PIEZO2: variants seen among roughly 807,000 people sequenced by gnomAD.
PIEZO2 encodes the protein piezo type mechanosensitive ion channel component 2, also known as piezo-type mechanosensitive ion channel component 2.
Under a neutral mutation model 337.3 loss-of-function variants are expected in PIEZO2, and 172 were observed. The observed-to-expected ratio is 0.51, with a 90% CI of 0.45 to 0.58. The LOEUF (loss-of-function observed/expected upper bound fraction) is 0.58, where lower values mean the gene tolerates loss of function less well. Among genes scored for constraint, PIEZO2 ranks in the 20% least tolerant of loss-of-function variants. The pLI is 0.00. For missense variants in PIEZO2, 3,028 were observed against 3,391.3 expected, an observed-to-expected ratio of 0.89 and a Z score of 2.66; for synonymous variants, 1,251 against 1,228.5, an observed-to-expected ratio of 1.02 and a Z score of -0.38.
At chr18:10,763,997 C>T (rs2865129) in intron 21 of PIEZO2, among the ~76,000 whole-genome samples, 123,240 of 152,092 alleles carry the variant, frequency 0.81, 50,127 homozygotes, top group East Asian at 0.91. Flanking sequence ...GAGACAGCAA[C>T]GCTGATAGGG....
intron 20 of PIEZO2, among the ~76,000 whole-genome samples, chr18:10,771,857 G>A (rs1234157131): frequency 6.6e-6 from 1 of 152,172 alleles, no homozygotes; most frequent in Non-Finnish European, 1.5e-5. Context: ...TACACTCCCT[G>A]CCCAGTGGTC....
chr18:10,796,150 G>A (rs2039587941), intron 12 of PIEZO2, among the ~76,000 whole-genome samples: 1 of 151,926 alleles, frequency 6.6e-6, no homozygotes. Context: ...GGATCATGAG[G>A]CCAGGAGATC....
chr18:11,005,670 C>T (rs2035694365), intron 2 of PIEZO2, among the ~76,000 whole-genome samples: 1 of 152,192 alleles, frequency 6.6e-6, no homozygotes. Context: ...CTTAGCTGGC[C>T]GGGAGGAGGG....
At chr18:10,857,270 G>A in intron 5 of PIEZO2, 59 bp from the exon 6 acceptor site, 1 of 1,406,546 alleles carries the variant, frequency 7.1e-7, no homozygotes. Context: ...CCAGCCAGCA[G>A]ATTATAGAGC....
At chr18:10,708,851 G>A (rs141868608) in intron 39 of PIEZO2, among the ~76,000 whole-genome samples, 2 of 152,286 alleles carry the variant, frequency 1.3e-5, no homozygotes, top group East Asian at 3.9e-4. Flanking sequence ...TAACCAACTT[G>A]CTTGAACAGA....
intron 24 of PIEZO2, 93 bp from the exon 25 acceptor site, chr18:10,760,002 C>T: frequency 8.8e-7 from 1 of 1,134,890 alleles, no homozygotes; most frequent in Non-Finnish European, 1.3e-6. Context: ...ATGGCGGAGA[C>T]CCATGTCCCT....
Position 10,864,159 on chromosome 18 carries a change from G to A in PIEZO2, c.493-6948C>T, listed in dbSNP as rs182864912. Among the ~76,000 whole-genome samples the A allele has an allele frequency of 9.1e-4, 138 of 152,284 alleles. 1 individual carries two copies. Among genetic ancestry groups the A allele is most frequent in the Middle Eastern group, 6.8e-3 (2 of 294 alleles). ...CAAACAAAACTCACATCTTTGATATGAAGGTGTCAAAATATTGAGCAGAGA... is the reference window on the plus strand; with the variant it reads ...CAAACAAAACTCACATCTTTGATATAAAGGTGTCAAAATATTGAGCAGAGA... On this transcript the variant is annotated intron_variant, in intron 5 of 55. Transcript: ENST00000674853.
At chr18:11,108,730 G>T (rs762348510) in intron 1 of PIEZO2, among the ~76,000 whole-genome samples, 4 of 151,878 alleles carry the variant, frequency 2.6e-5, no homozygotes, top group Non-Finnish European at 5.9e-5. Flanking sequence ...TGGTGGGTCT[G>T]GTCTGTCTCA....
chr18:10,901,982 T>C (rs1323976521), intron 4 of PIEZO2, among the ~76,000 whole-genome samples: 4 of 151,524 alleles, frequency 2.6e-5, no homozygotes, highest in African/African-American at 9.7e-5. Flanking sequence ...GGACTGGTAC[T>C]GGTCCTCGTC....
rs2037523355 is a variant in PIEZO2 at position 10,748,709 on chromosome 18, A to T, written c.4265-79T>A. On this transcript the variant is annotated intron_variant, in intron 29 of 55. Transcript: ENST00000674853. The surrounding 1 kb of genome is among the most constrained non-coding windows in gnomAD (Gnocchi z 5.1). The stretch of plus-strand genomic sequence containing the variant: ...ATTTTATAAAATCTGAGGTATGGTC[A>T]GGCTTGGGAAATATAGGCATAAAAG... 6.8e-6 allele frequency: 9 copies of T among 1,316,836 alleles called. No homozygotes were observed. Among genetic ancestry groups the T allele is most frequent in the Non-Finnish European group, 8.0e-6 (8 of 999,950 alleles). The allele number at this position is 1,316,836 out of a possible 1,614,324, so 81.6% of individuals were successfully genotyped here.
Position 11,018,382 on chromosome 18 carries a change from C to CGTGTGTGTGTGT in PIEZO2, c.161-38734_161-38723dup, listed in dbSNP as rs376013388. Among the ~76,000 whole-genome samples, 521 of 114,188 alleles carry CGTGTGTGTGTGT rather than the reference C, an allele frequency of 4.6e-3. 10 individuals carry two copies. The highest frequency in any genetic ancestry group is 0.014 in the Middle Eastern group (3 of 210). 74.9% of individuals were successfully genotyped at this position (114,188 alleles called of 152,430 possible). ...CTGGGGGTTAGGACTCCCAACATGT[C>CGTGTGTGTGTGT]GTGTGTGTGTGTGTGTGTGTGTGTG... On this transcript the variant is annotated intron_variant, in intron 2 of 55. Coordinates refer to ENST00000674853, the MANE Select transcript of PIEZO2 (RefSeq NM_001378183.1).
At chr18:10,890,107 T>C (rs1450440423) in intron 4 of PIEZO2, among the ~76,000 whole-genome samples, 1 of 152,228 alleles carries the variant, frequency 6.6e-6, no homozygotes, top group Non-Finnish European at 1.5e-5. Context: ...TTTAATTGGC[T>C]AGCAAAGCTC....
At chr18:10,805,486 A>G (rs1236969607) in intron 8 of PIEZO2, among the ~76,000 whole-genome samples, 1 of 152,250 alleles carries the variant, frequency 6.6e-6, no homozygotes, top group Non-Finnish European at 1.5e-5. Flanking sequence ...ATTGCACTCC[A>G]GCCTGGGCAA....
chr18:10,912,994 C>T (rs1405343817), intron 3 of PIEZO2, among the ~76,000 whole-genome samples: 1 of 151,876 alleles, frequency 6.6e-6, no homozygotes, highest in African/African-American at 2.4e-5. Context: ...TTTGAGCTAA[C>T]CAGCCCAGGA....
intron 3 of PIEZO2, among the ~76,000 whole-genome samples, chr18:10,915,624 T>A (rs1452905761): frequency 6.6e-6 from 1 of 152,180 alleles, no homozygotes; most frequent in Non-Finnish European, 1.5e-5. Context: ...GCTTCCTATA[T>A]ATTAGCTAAC....
In PIEZO2 at chr18:10,872,531, C is replaced by T. The variant is rs1332744257; in HGVS notation, c.330-1116G>A. Among the ~76,000 whole-genome samples, 1 of 152,176 alleles carries T rather than the reference C, an allele frequency of 6.6e-6. No individual in the cohort carries two copies. The highest frequency in any genetic ancestry group is 2.4e-5 in the African/African-American group (1 of 41,448). Reference sequence around the variant, plus strand: ...GCTAAGCTCACTCTGCTGCAAGACACCAGAGCTTAATAGGCACTGGCAGAC... The same window carrying T: ...GCTAAGCTCACTCTGCTGCAAGACATCAGAGCTTAATAGGCACTGGCAGAC... On this transcript the variant is annotated intron_variant, in intron 4 of 55. Coordinates refer to ENST00000674853, the MANE Select transcript of PIEZO2 (RefSeq NM_001378183.1). This position sits in a 1 kb window ranked among gnomAD's most constrained non-coding sequence, Gnocchi z 4.3.
chr18:10,759,118 A>G lies in PIEZO2; in HGVS notation c.3757+364T>C, dbSNP rs967627205. Among the ~76,000 whole-genome samples the G allele has an allele frequency of 6.6e-6, 1 of 152,052 alleles. No individual in the cohort carries two copies. Among genetic ancestry groups the G allele is most frequent in the African/African-American group, 2.4e-5 (1 of 41,408 alleles). ...ACTGTCCCATGTTCAGGGTTTATTT[A>G]TCTGCACTGGGAGCCAGAAACCACC... On this transcript the variant is annotated intron_variant, in intron 26 of 55. Transcript: ENST00000674853. This position sits in a 1 kb window ranked among gnomAD's most constrained non-coding sequence, Gnocchi z 5.5.
At position 10,846,715 on chromosome 18, in the gene PIEZO2, T is replaced by A. The variant is rs2041376783; in HGVS notation, c.917+8638A>T. 6.6e-6 allele frequency among the ~76,000 whole-genome samples: 1 copy of A among 152,110 alleles called. No individual in the cohort carries two copies. The highest frequency in any genetic ancestry group is 1.5e-5 in the Non-Finnish European group (1 of 68,020). On this transcript the variant is annotated intron_variant, in intron 7 of 55. Transcript: ENST00000674853. This position sits in a 1 kb window ranked among gnomAD's most constrained non-coding sequence, Gnocchi z 4.1. ...TTGCCTACAAGATAATTTTCCTTCC[T>A]TATAAAGGAAGATGGAAGGTTCTGG...
At chr18:10,714,524 C>G (rs1273089657) in intron 39 of PIEZO2, among the ~76,000 whole-genome samples, 2 of 152,056 alleles carry the variant, frequency 1.3e-5, no homozygotes, top group African/African-American at 4.8e-5. Flanking sequence ...CTATACTGTG[C>G]CTTTGGGTCA....
Sources: gnomAD v4.1 joint callset for allele counts (sites outside exome capture counted in the v4.1 genomes callset) on GRCh38, gnomAD v4.1.1 for gene constraint, Gnocchi (gnomAD v3.1) non-coding constraint, MANE v1.5 for transcripts, NCBI Gene and HGNC (gene_info 2026-07-23, HGNC 2026-07-21) for gene names.